The following PPIL2 variants were observed in gnomAD, a reference collection of about 807,000 sequenced individuals.
PPIL2 encodes the protein RING-type E3 ubiquitin-protein ligase PPIL2.
Under a neutral mutation model 75.2 loss-of-function variants are expected in PPIL2, and 50 were observed. That is an observed-to-expected ratio of 0.66 (90% confidence interval 0.53 to 0.84). The LOEUF (loss-of-function observed/expected upper bound fraction) is 0.84, where lower values mean the gene tolerates loss of function less well. Among genes scored for constraint, PPIL2 ranks in the 40% least tolerant of loss-of-function variants. PPIL2 has a pLI of 0.00. For missense variants in PPIL2, 590 were observed against 685.0 expected, an observed-to-expected ratio of 0.86 and a Z score of 1.55; for synonymous variants, 245 against 258.8, an observed-to-expected ratio of 0.95 and a Z score of 0.51.
At position 21,684,887 on chromosome 22, in the gene PPIL2, A is replaced by G. The variant is rs1367841431; in HGVS notation, c.688A>G (p.Lys230Glu). 3 of 1,613,852 alleles carry G rather than the reference A, an allele frequency of 1.9e-6. No homozygotes were observed. Among genetic ancestry groups the G allele is most frequent in the Non-Finnish European group, 2.5e-6 (3 of 1,179,914 alleles). ...ILAATMKAPE[K>E]KKVDKLNAAH... ...GGCAGCCACCATGAAGGCCCCGGAG[A>G]AGAAGAAAGTGGACAAGCTGAACGC... Residue 230 changes from lysine (K) to glutamate (E), a missense_variant, in exon 10 of 20, where the codon AAG becomes GAG. Coordinates refer to ENST00000398831, the MANE Select transcript of PPIL2 (RefSeq NM_014337.4).
intron 13 of PPIL2, 46 bp downstream of exon 13, chr22:21,687,778 A>G (rs765571337): frequency 5.7e-6 from 9 of 1,569,052 alleles, no homozygotes; most frequent in African/African-American, 2.7e-5. Context: ...TTGGTGGGAC[A>G]TCGGGGGCTG....
chr22:21,683,849 A>G (rs2148541473), intron 9 of PPIL2, among the ~76,000 whole-genome samples: 1 of 152,324 alleles, frequency 6.6e-6, no homozygotes, highest in South Asian at 2.1e-4. Context: ...AGAATGGGTG[A>G]TTTCACATCT....
rs145498999 is a variant in PPIL2, at chr22:21,696,796, G to A, written c.*1306G>A. ...CTTCCTTTTCTCATCAATCACTGAT[G>A]CTGAAGCTGCAGGCCTGAGCCCTTT... On this transcript the variant is annotated 3_prime_UTR_variant, in exon 20 of 20. Transcript: ENST00000398831. The A allele has an allele frequency of 8.9e-5, 138 of 1,550,082 alleles. No individual in the cohort carries two copies. The African/African-American group carries it at 1.8e-3, about 20-fold the overall frequency.
In PPIL2 at chr22:21,688,780, A is replaced by G. The variant is rs2067492981; in HGVS notation, c.1070A>G (p.Asn357Ser). ...GKPFKDEFRP[N>S]LSHTGRGILS... is the part of the protein sequence containing the mutation. ...CCCTTCAAAGACGAGTTCCGGCCCAACCTCTCGCACACGGGCCGCGGCATC... is the reference window on the plus strand; with the variant it reads ...CCCTTCAAAGACGAGTTCCGGCCCAGCCTCTCGCACACGGGCCGCGGCATC... The change falls in exon 15 of 20, where the codon AAC (asparagine) becomes AGC (serine). Residue 357 changes from asparagine to serine, a missense_variant. Physicochemically the swap from Asn to Ser is conservative, Grantham distance 46 (BLOSUM62 1). Coordinates refer to ENST00000398831, the MANE Select transcript of PPIL2 (RefSeq NM_014337.4). 6.2e-7 allele frequency: 1 copy of G among 1,613,866 alleles called. No individual in the cohort carries two copies. Among genetic ancestry groups the G allele is most frequent in the Non-Finnish European group, 8.5e-7 (1 of 1,179,942 alleles).
chr22:21,685,041 C>T (rs1241569672), intron 10 of PPIL2, 128 bp downstream of exon 10: 15 of 1,299,650 alleles, frequency 1.2e-5, no homozygotes, highest in Non-Finnish European at 1.5e-5. Context: ...CAGCCAGGAT[C>T]CCCCAGAGCT....
chr22:21,679,885 A>G (rs2067034090), intron 6 of PPIL2, among the ~76,000 whole-genome samples: 1 of 151,210 alleles, frequency 6.6e-6, no homozygotes, highest in Non-Finnish European at 1.5e-5. Flanking sequence ...CAGGAGATCG[A>G]GACCATCCTG....
chr22:21,667,565 TCC>T (rs1363654173), intron 1 of PPIL2, among the ~76,000 whole-genome samples: 21 of 152,236 alleles, frequency 1.4e-4, no homozygotes, highest in Admixed American at 1.0e-3. Flanking sequence ...CTCTTTGTTT[TCC>T]ATCGACTTCA....
At chr22:21,689,551 A>G (rs1456212750) in intron 15 of PPIL2, among the ~76,000 whole-genome samples, 3 of 152,090 alleles carry the variant, frequency 2.0e-5, no homozygotes, top group Non-Finnish European at 2.9e-5. Flanking sequence ...TTTTATATCT[A>G]GCCACTTTAA....
At chr22:21,681,514 C>A (rs1317032202) in intron 7 of PPIL2, 124 bp downstream of exon 7, 4 of 818,302 alleles carry the variant, frequency 4.9e-6, no homozygotes, top group Admixed American at 2.3e-5. Flanking sequence ...ACAGTCACAG[C>A]CACAGGCATG....
At chr22:21,675,309 G>A (rs750690478) in intron 6 of PPIL2, among the ~76,000 whole-genome samples, 194 bp downstream of exon 6, 12 of 152,182 alleles carry the variant, frequency 7.9e-5, no homozygotes, top group Admixed American at 1.3e-4. Context: ...AGGCCGAGGC[G>A]GATGGTTCAC....
At chr22:21,670,679 C>G (rs2066598035) in intron 3 of PPIL2, 68 bp downstream of exon 3, 1 of 1,493,350 alleles carries the variant, frequency 6.7e-7, no homozygotes, top group Non-Finnish European at 9.3e-7. Context: ...GTGAATCTGC[C>G]CCTTGTGGAT....
chr22:21,695,214 G>C (rs2067868673), intron 19 of PPIL2, 144 bp downstream of exon 19: 1 of 1,360,822 alleles, frequency 7.3e-7, no homozygotes, highest in Non-Finnish European at 9.8e-7. Flanking sequence ...CTGCAGCCGA[G>C]GGACTGCCTC....
In PPIL2 at chr22:21,696,894, T is replaced by C; in HGVS notation, c.*1404T>C. ...CCATCCACTGCCACAGGCTGCCTGA[T>C]GACCACTAGAGGTATGTCTGCCCCT... On this transcript the variant is annotated 3_prime_UTR_variant, in exon 20 of 20. Transcript: ENST00000398831. 1 of 1,593,036 alleles carries C rather than the reference T, an allele frequency of 6.3e-7. No homozygotes were observed. The highest frequency in any genetic ancestry group is 8.5e-7 in the Non-Finnish European group (1 of 1,170,394).
chr22:21,676,309 T>TAGTGTGTGTGTGTG (rs1555894902), intron 6 of PPIL2, among the ~76,000 whole-genome samples: 4 of 123,018 alleles, frequency 3.3e-5, no homozygotes, highest in African/African-American at 1.3e-4. Flanking sequence ...TTTATTTATT[T>TAGTGTGTGTGTGTG]TGTGTGTGTG....
Position 21,696,947 on chromosome 22 carries a change from G to A in PPIL2, c.*1457G>A. 6.3e-7 allele frequency: 1 copy of A among 1,579,798 alleles called. No individual in the cohort carries two copies. Among genetic ancestry groups the A allele is most frequent in the South Asian group, 1.2e-5 (1 of 85,726 alleles). On this transcript the variant is annotated 3_prime_UTR_variant, in exon 20 of 20. Coordinates refer to ENST00000398831, the MANE Select transcript of PPIL2 (RefSeq NM_014337.4). ...TCACCCTGCTGCACACCAATCTGTG[G>A]CCCTTCATCATGCTAAGAACAAGAA...
intron 1 of PPIL2, among the ~76,000 whole-genome samples, chr22:21,668,991 G>A (rs953582643): frequency 2.0e-5 from 3 of 149,676 alleles, no homozygotes; most frequent in African/African-American, 7.4e-5. Flanking sequence ...GATTACAGGT[G>A]TGAGCCACCG....
intron 5 of PPIL2, among the ~76,000 whole-genome samples, chr22:21,674,665 T>C (rs1669121): frequency 0.25 from 37,526 of 152,068 alleles, 4,660 homozygotes; most frequent in Middle Eastern, 0.31. Flanking sequence ...GTTGCCGCTG[T>C]ACTCCAGCCT....
intron 6 of PPIL2, among the ~76,000 whole-genome samples, chr22:21,677,570 G>A (rs550403297): frequency 6.6e-6 from 1 of 152,222 alleles, no homozygotes; most frequent in African/African-American, 2.4e-5. Context: ...GGCGGCGCGC[G>A]CCTGCAATCC....
In PPIL2 at chr22:21,696,557, T is replaced by A; in HGVS notation, c.*1067T>A. ...TGTTAAATGTGCCCCTGGCTGGCTT[T>A]TTCTTCGTCTTCAGCCCAGGCCAGT... On this transcript the variant is annotated 3_prime_UTR_variant, in exon 20 of 20. Transcript: ENST00000398831. 1 of 1,389,762 alleles carries A rather than the reference T, an allele frequency of 7.2e-7. No individual in the cohort carries two copies. 86.1% of individuals were successfully genotyped at this position (1,389,762 alleles called of 1,614,324 possible). A position where few individuals can be genotyped will look rare whatever the true frequency, so the allele number is the denominator to read the frequency against.
Sources: gnomAD v4.1 joint callset for allele counts (sites outside exome capture counted in the v4.1 genomes callset) on GRCh38, gnomAD v4.1.1 for gene constraint, MANE v1.5 for transcripts, NCBI Gene and HGNC (gene_info 2026-07-23, HGNC 2026-07-21) for gene names.